The following LDLRAD4 variants were observed in gnomAD, a reference collection of about 807,000 sequenced individuals.
The protein encoded by LDLRAD4 is low-density lipoprotein receptor class A domain-containing protein 4.
A neutral mutation model predicts 17.0 loss-of-function variants in LDLRAD4; 5 were observed. The ratio of observed to expected loss-of-function variants is 0.29; its 90% confidence interval spans 0.15 to 0.62. The LOEUF is 0.62. Ranked by LOEUF, LDLRAD4 falls within the 20% of genes least tolerant of loss-of-function variation. The pLI is 0.84. For missense variants in LDLRAD4, 340 were observed against 424.7 expected (o/e 0.80, Z 1.75); for synonymous variants, 168 against 171.8 (o/e 0.98, Z 0.17).
chr18:13,411,487 A>G (rs1600071378), intron 2 of LDLRAD4, among the ~76,000 whole-genome samples: 1 of 152,150 alleles, frequency 6.6e-6, no homozygotes, highest in African/African-American at 2.4e-5. Flanking sequence ...CATAATTCCC[A>G]CCTGTCGTGA....
intron 1 of LDLRAD4, among the ~76,000 whole-genome samples, chr18:13,233,705 G>A (rs971219845): frequency 1.3e-5 from 2 of 152,092 alleles, no homozygotes; most frequent in Non-Finnish European, 2.9e-5. Flanking sequence ...CTCACAGCTG[G>A]AGAGCTTAGA....
At chr18:13,635,792 C>T (rs2042022139) in intron 4 of LDLRAD4, among the ~76,000 whole-genome samples, 1 of 152,260 alleles carries the variant, frequency 6.6e-6, no homozygotes, top group Non-Finnish European at 1.5e-5. Flanking sequence ...CAGCCAGCCC[C>T]TCAGGGTGGT....
At chr18:13,272,611 G>A (rs959932994) in intron 1 of LDLRAD4, among the ~76,000 whole-genome samples, 9 of 152,350 alleles carry the variant, frequency 5.9e-5, no homozygotes, top group Middle Eastern at 3.4e-3. Context: ...TGTGTTCCTC[G>A]AATCTGAAAG....
At chr18:13,499,866 G>A (rs1374130793) in intron 3 of LDLRAD4, among the ~76,000 whole-genome samples, 2 of 152,290 alleles carry the variant, frequency 1.3e-5, no homozygotes, top group Non-Finnish European at 1.5e-5. Context: ...CTCCCTTTCC[G>A]TTTTTGCTCT....
At chr18:13,586,503 A>G (rs1487732467) in intron 3 of LDLRAD4, among the ~76,000 whole-genome samples, 1 of 151,872 alleles carries the variant, frequency 6.6e-6, no homozygotes, top group East Asian at 1.9e-4. Context: ...GTGAAGTCAG[A>G]TTATGACAGT....
At chr18:13,392,531 G>A (rs998171708) in intron 2 of LDLRAD4, among the ~76,000 whole-genome samples, 2 of 152,156 alleles carry the variant, frequency 1.3e-5, no homozygotes, top group Admixed American at 6.5e-5. Context: ...GGCTGGGTCC[G>A]CCGGCCTCTG....
chr18:13,578,529 T>C (rs2094806593), intron 3 of LDLRAD4, among the ~76,000 whole-genome samples: 1 of 152,136 alleles, frequency 6.6e-6, no homozygotes, highest in African/African-American at 2.4e-5. Flanking sequence ...TGCCAGAGAA[T>C]AAGCTAGAGG....
intron 2 of LDLRAD4, among the ~76,000 whole-genome samples, chr18:13,434,962 C>T (rs546491552): frequency 2.0e-5 from 3 of 152,366 alleles, no homozygotes; most frequent in South Asian, 2.1e-4. Context: ...GCACCTCAGG[C>T]CAGTGAGATA....
At chr18:13,482,235 C>T (rs768396981) in intron 3 of LDLRAD4, among the ~76,000 whole-genome samples, 2 of 152,174 alleles carry the variant, frequency 1.3e-5, no homozygotes, top group South Asian at 2.1e-4. Context: ...CCCCTGGGGA[C>T]GGTTGCCTCT....
In LDLRAD4 at chr18:13,602,108, T is replaced by C. The variant is rs143394276; in HGVS notation, c.182-19009T>C. On this transcript the variant is annotated intron_variant, in intron 3 of 5. Coordinates refer to ENST00000359446, the Ensembl canonical transcript of LDLRAD4. Reference sequence around the variant, plus strand: ...TCACTTATACATGGAAGCTAAGCACTGGATACTCATGGACATAGAAATGGG... The same window carrying C: ...TCACTTATACATGGAAGCTAAGCACCGGATACTCATGGACATAGAAATGGG... Among the ~76,000 whole-genome samples the C allele has an allele frequency of 1.0e-3, 153 of 152,298 alleles. 2 individuals carry two copies. The South Asian group carries it at 0.031, about 31-fold the overall frequency.
rs1243075841 is a variant in LDLRAD4, at chr18:13,285,322, G to C, written c.-383+7134G>C. Among the ~76,000 whole-genome samples, 3 of 152,180 alleles carry C rather than the reference G, an allele frequency of 2.0e-5. No individual in the cohort carries two copies. The East Asian group carries it at 5.8e-4, about 29-fold the overall frequency. Reference sequence around the variant, plus strand: ...ACTTGCAGTGGAGCACAAGGTGTGTGGTTCATTTGGCTTGGGGCAGTCACT... The same window carrying C: ...ACTTGCAGTGGAGCACAAGGTGTGTCGTTCATTTGGCTTGGGGCAGTCACT... On this transcript the variant is annotated intron_variant, in intron 1 of 5. Coordinates refer to ENST00000359446, the Ensembl canonical transcript of LDLRAD4.
At chr18:13,222,813 A>C (rs890892850) in intron 1 of LDLRAD4, among the ~76,000 whole-genome samples, 6 of 152,186 alleles carry the variant, frequency 3.9e-5, no homozygotes, top group African/African-American at 1.4e-4. Flanking sequence ...TCTTCCTCTG[A>C]GCAGGGAAAT....
intron 2 of LDLRAD4, among the ~76,000 whole-genome samples, chr18:13,400,585 G>T: frequency 6.6e-6 from 1 of 152,334 alleles, no homozygotes; most frequent in Non-Finnish European, 1.5e-5. Flanking sequence ...TGAAAAGAGT[G>T]TTTATGATTG....
chr18:13,247,281 A>G (rs1462726567), intron 1 of LDLRAD4, among the ~76,000 whole-genome samples: 1 of 152,198 alleles, frequency 6.6e-6, no homozygotes, highest in Non-Finnish European at 1.5e-5. Context: ...GATTGTGCAG[A>G]GTTCCTATAT....
At chr18:13,362,652 A>G (rs1212462211) in intron 1 of LDLRAD4, 5 of 152,258 alleles carry the variant, frequency 3.3e-5, no homozygotes, top group Admixed American at 3.3e-4. Flanking sequence ...TAAAAGGTAA[A>G]TGTAGCAGAA....
intron 1 of LDLRAD4, chr18:13,239,918 CTGTT>C (rs1332775612): frequency 1.3e-5 from 2 of 152,314 alleles, no homozygotes; most frequent in Non-Finnish European, 2.9e-5. Flanking sequence ...TTCCTGACTG[CTGTT>C]TGTTTGGTTT....
chr18:13,269,716 T>C (rs1003185097), intron 1 of LDLRAD4, among the ~76,000 whole-genome samples: 5 of 152,224 alleles, frequency 3.3e-5, no homozygotes, highest in African/African-American at 1.2e-4. Flanking sequence ...TGGGAGTTCC[T>C]TCCAGAGAGA....
chr18:13,642,183 G>A, intron 4 of LDLRAD4: 1 of 985,574 alleles, frequency 1.0e-6, no homozygotes. Flanking sequence ...AAAGGGCCGT[G>A]TTGGACAAAC....
At chr18:13,385,758 G>C (rs1256995306) in intron 1 of LDLRAD4, among the ~76,000 whole-genome samples, 2 of 152,148 alleles carry the variant, frequency 1.3e-5, no homozygotes, top group African/African-American at 2.4e-5. Flanking sequence ...AGTTCCTGTA[G>C]GACCTGCATG....
Sources: gnomAD v4.1 joint callset for allele counts (sites outside exome capture counted in the v4.1 genomes callset) on GRCh38, gnomAD v4.1.1 for gene constraint, MANE v1.5 for transcripts, NCBI Gene and HGNC (gene_info 2026-07-23, HGNC 2026-07-21) for gene names.